The following NDUFAF6 variants were observed in gnomAD, a reference collection of about 807,000 sequenced individuals.
NDUFAF6 encodes NADH:ubiquinone oxidoreductase complex assembly factor 6, also known as NADH dehydrogenase (ubiquinone) complex I, assembly factor 6.
NDUFAF6 carries 45 observed loss-of-function variants against 40.8 expected under a neutral mutation model. The ratio of observed to expected loss-of-function variants is 1.10; its 90% confidence interval spans 0.87 to 1.42. NDUFAF6 has a LOEUF of 1.42. NDUFAF6 is among the 40% of genes most tolerant of loss of function. The pLI is 0.00. For synonymous variants in NDUFAF6, 185 were observed against 155.9 expected, an observed-to-expected ratio of 1.19 and a Z score of -1.39; for missense variants, 435 against 418.5, an observed-to-expected ratio of 1.04 and a Z score of -0.34.
chr8:95,081,333 C>G (rs1035242906), intron 2 of NDUFAF6, among the ~76,000 whole-genome samples: 4 of 151,820 alleles, frequency 2.6e-5, no homozygotes, highest in Non-Finnish European at 5.9e-5. Context: ...CCATGCCCAA[C>G]TAATTTTTGT....
chr8:95,042,283 C>T (rs183072757), intron 4 of NDUFAF6, among the ~76,000 whole-genome samples: 1 of 152,276 alleles, frequency 6.6e-6, no homozygotes, highest in Admixed American at 6.5e-5. Flanking sequence ...ATTGTTAGGT[C>T]TGTGTTCCCC....
At chr8:94,940,260 AAG>A in intron 1 of NDUFAF6, 1 of 1,556,928 alleles carries the variant, frequency 6.4e-7, no homozygotes, top group Non-Finnish European at 8.7e-7. Context: ...TGTGTTGTTG[AAG>A]AGTCCCACAG....
At chr8:94,982,451 TTAA>T in intron 2 of NDUFAF6, among the ~76,000 whole-genome samples, 1 of 152,354 alleles carries the variant, frequency 6.6e-6, no homozygotes, top group East Asian at 1.9e-4. Flanking sequence ...ACAAAATCAC[TTAA>T]TGATGCATTT....
At chr8:95,084,761 G>T (rs747770261) in intron 2 of NDUFAF6, among the ~76,000 whole-genome samples, 7 of 152,182 alleles carry the variant, frequency 4.6e-5, no homozygotes, top group Non-Finnish European at 8.8e-5. Context: ...AGACAGGGAG[G>T]TTCCTGTCTG....
At chr8:94,998,989 A>G (rs747078875) in intron 2 of NDUFAF6, among the ~76,000 whole-genome samples, 4 of 152,102 alleles carry the variant, frequency 2.6e-5, no homozygotes, top group Non-Finnish European at 5.9e-5. Context: ...ACCACAATCC[A>G]GTTAAGAAAT....
intron 1 of NDUFAF6, among the ~76,000 whole-genome samples, chr8:94,963,379 A>C (rs1038941455): frequency 6.6e-6 from 1 of 152,178 alleles, no homozygotes; most frequent in African/African-American, 2.4e-5. Flanking sequence ...CATATAAAGA[A>C]TGCACTGTGA....
chr8:95,034,203 T>C (rs1829208760), intron 2 of NDUFAF6: 1 of 372,546 alleles, frequency 2.7e-6, no homozygotes, highest in East Asian at 7.3e-5. Context: ...CATATGTATA[T>C]ATACACATTT....
upstream of NDUFAF6, among the ~76,000 whole-genome samples, chr8:94,957,034 G>T (rs941215440): frequency 6.6e-6 from 1 of 152,126 alleles, no homozygotes; most frequent in East Asian, 1.9e-4. Flanking sequence ...TACCCGGGCG[G>T]GGTGGCATGC....
intron 1 of NDUFAF6, chr8:94,932,244 GAT>G: frequency 1.2e-6 from 1 of 859,284 alleles, no homozygotes; most frequent in Non-Finnish European, 1.8e-6. Context: ...ATGTGCTTAA[GAT>G]AACATGTAAA....
At chr8:95,036,222 T>A in intron 3 of NDUFAF6, 1 of 1,145,344 alleles carries the variant, frequency 8.7e-7, no homozygotes, top group Non-Finnish European at 1.1e-6. Flanking sequence ...CACACATGGC[T>A]TAGAAATATT....
chr8:95,009,513 G>A (rs1288854940), intron 2 of NDUFAF6, among the ~76,000 whole-genome samples: 4 of 152,162 alleles, frequency 2.6e-5, no homozygotes, highest in African/African-American at 9.7e-5. Flanking sequence ...AGCCATCTGG[G>A]TCAGTGGGTT....
chr8:94,908,572 G>A (rs1163116705), intron 1 of NDUFAF6, among the ~76,000 whole-genome samples: 2 of 152,070 alleles, frequency 1.3e-5, no homozygotes, highest in African/African-American at 4.8e-5. Flanking sequence ...GTCTTGCTAT[G>A]TTGCCCAGGC....
intron 1 of NDUFAF6, chr8:94,939,657 C>T (rs1563730092): frequency 1.4e-6 from 1 of 720,610 alleles, no homozygotes; most frequent in African/African-American, 1.8e-5. Context: ...CTTGGCCTCC[C>T]AAAGTGCTGG....
rs57749627 is a variant in NDUFAF6 at position 94,904,320 on chromosome 8, C to CTTTTTTT, written c.-936+8424_-936+8430dup. ...CATCACACCTGGCTAATTTTTTTTG[C>CTTTTTTT]TTTTTTTTTTTTTTTTTTTTTTTTT... On this transcript the variant is annotated intron_variant, in intron 1 of 14. Coordinates refer to the NDUFAF6 transcript ENST00000396113. Among the ~76,000 whole-genome samples, 66 of 34,130 alleles carry CTTTTTTT rather than the reference C, an allele frequency of 1.9e-3. 20 individuals carry two copies. Among genetic ancestry groups the CTTTTTTT allele is most frequent in the African/African-American group, 4.0e-3 (26 of 6,574 alleles). 22.4% of individuals were successfully genotyped at this position (34,130 alleles called of 152,430 possible). A position where few individuals can be genotyped will look rare whatever the true frequency, so the allele number is the denominator to read the frequency against.
At chr8:94,946,085 C>T (rs1458415291) in intron 2 of NDUFAF6, among the ~76,000 whole-genome samples, 1 of 145,632 alleles carries the variant, frequency 6.9e-6, no homozygotes, top group Non-Finnish European at 1.5e-5. Context: ...CACCACTTAA[C>T]ACATTGGTGC....
At chr8:94,981,567 A>G (rs547792877) in intron 2 of NDUFAF6, among the ~76,000 whole-genome samples, 1 of 152,122 alleles carries the variant, frequency 6.6e-6, no homozygotes, top group African/African-American at 2.4e-5. Context: ...TTGAGCCCCA[A>G]TTTGGCCATG....
intron 2 of NDUFAF6, among the ~76,000 whole-genome samples, chr8:94,981,811 A>G (rs1825466183): frequency 6.6e-6 from 1 of 151,920 alleles, no homozygotes; most frequent in Non-Finnish European, 1.5e-5. Flanking sequence ...ACACTTACAC[A>G]CTGCATAATG....
chr8:94,914,942 T>G (rs1166823657), intron 1 of NDUFAF6, among the ~76,000 whole-genome samples: 2 of 152,166 alleles, frequency 1.3e-5, no homozygotes, highest in African/African-American at 4.8e-5. Context: ...TTTAGCTTCA[T>G]CGGGTACATG....
intron 9 of NDUFAF6, among the ~76,000 whole-genome samples, chr8:95,066,098 T>C (rs948420562): frequency 5.3e-5 from 8 of 152,070 alleles, no homozygotes; most frequent in African/African-American, 1.4e-4. Context: ...AATTTCTATA[T>C]ATATCTGAGC....
Sources: allele counts gnomAD v4.1 joint callset (sites outside exome capture counted in the v4.1 genomes callset), GRCh38; gene constraint gnomAD v4.1.1; transcripts MANE v1.5; gene names NCBI Gene and HGNC (gene_info 2026-07-23, HGNC 2026-07-21).